The following CORO2B variants were observed in gnomAD, a reference collection of about 807,000 sequenced individuals.
The protein encoded by CORO2B is coronin-2B.
A neutral mutation model predicts 58.8 loss-of-function variants in CORO2B; 26 were observed. The ratio of observed to expected loss-of-function variants is 0.44; its 90% confidence interval spans 0.32 to 0.61. The LOEUF (loss-of-function observed/expected upper bound fraction) is 0.61. CORO2B is among the 20% of genes least tolerant of loss of function. The pLI, the probability that CORO2B is intolerant of heterozygous loss-of-function variation, is 0.04. For missense variants in CORO2B, 460 were observed against 645.1 expected (o/e 0.71, Z 3.11); for synonymous variants, 242 against 253.8 (o/e 0.95, Z 0.44).
At chr15:68,571,634 T>C in the CORO2B span, among the ~76,000 whole-genome samples, 1 of 152,214 alleles carries the variant, frequency 6.6e-6, no homozygotes, top group Non-Finnish European at 1.5e-5. Context: ...TTTAATTACA[T>C]TTTAAAATCA....
At position 68,579,003 on chromosome 15, in the gene CORO2B, C is replaced by G; in HGVS notation, c.-260C>G. The G allele has an allele frequency of 1.0e-6, 1 of 984,440 alleles. No individual in the cohort carries two copies. The highest frequency in any genetic ancestry group is 1.2e-6 in the Non-Finnish European group (1 of 829,342). The allele number at this position is 984,440 out of a possible 1,614,324, so 61.0% of individuals were successfully genotyped here. On this transcript the variant is annotated 5_prime_UTR_variant, in exon 1 of 12. Transcript: ENST00000261861. ...TCCCTCTCTCCCTTTCTTCCTGCCT[C>G]GCCTTCCTGCGGCGAAGGAGGCTCA...
chr15:68,567,940 A>G, the CORO2B span, among the ~76,000 whole-genome samples: 177 of 152,178 alleles, frequency 1.2e-3, 1 homozygote, highest in African/African-American at 4.1e-3. Flanking sequence ...TATTGCTTGA[A>G]CCCAGGAGGC....
At chr15:68,626,052 T>A (rs1404529093) in intron 1 of CORO2B, among the ~76,000 whole-genome samples, 1 of 152,254 alleles carries the variant, frequency 6.6e-6, no homozygotes, top group African/African-American at 2.4e-5. Context: ...CATCCAGAAA[T>A]GCTGTCTAGC....
the CORO2B span, among the ~76,000 whole-genome samples, chr15:68,565,915 G>T: frequency 6.6e-6 from 1 of 152,250 alleles, no homozygotes; most frequent in Non-Finnish European, 1.5e-5. Context: ...CCCACAGCCA[G>T]CAGGGAAGCA....
intron 1 of CORO2B, among the ~76,000 whole-genome samples, chr15:68,609,738 T>C (rs1489200637): frequency 6.6e-6 from 1 of 152,196 alleles, no homozygotes; most frequent in Non-Finnish European, 1.5e-5. Flanking sequence ...AAGCTACTGA[T>C]GGAAGGCCGT....
chr15:68,631,815 A>G (rs1375425805), intron 1 of CORO2B, among the ~76,000 whole-genome samples: 2 of 152,184 alleles, frequency 1.3e-5, no homozygotes, highest in African/African-American at 4.8e-5. Flanking sequence ...CAGTAGCTAC[A>G]CCAGAGAAGG....
the CORO2B span, among the ~76,000 whole-genome samples, chr15:68,571,214 C>T: frequency 6.6e-6 from 1 of 152,186 alleles, no homozygotes; most frequent in South Asian, 2.1e-4. Flanking sequence ...CTGCCCCAGC[C>T]ACCTGTTCTG....
At chr15:68,664,871 T>A (rs1902139871) in intron 2 of CORO2B, among the ~76,000 whole-genome samples, 1 of 152,212 alleles carries the variant, frequency 6.6e-6, no homozygotes. Context: ...GGTCTTTGAT[T>A]AATTTCTTAT....
chr15:68,714,414 T>G, intron 6 of CORO2B, 145 bp from the exon 7 acceptor site: 1 of 672,810 alleles, frequency 1.5e-6, no homozygotes, highest in Non-Finnish European at 2.6e-6. Flanking sequence ...AAGTCAGTCT[T>G]GCCACCACCC....
In CORO2B at chr15:68,719,105, G is replaced by GC. The variant is rs1445074823; in HGVS notation, c.1081-33dup. 4 of 1,503,376 alleles carry GC rather than the reference G, an allele frequency of 2.7e-6. No homozygotes were observed. In the South Asian group the frequency reaches 3.4e-5, roughly 13 times the overall value. 93.1% of individuals were successfully genotyped at this position (1,503,376 alleles called of 1,614,324 possible). On this transcript the variant is annotated intron_variant, in intron 9 of 11. Coordinates refer to ENST00000261861, the MANE Select transcript of CORO2B (RefSeq NM_006091.5). ...CTGAAGAGTAGGGGCTTTCCCAGCAGCCCCCCATGTGTCCTCTCTTCTGCT... is the reference window on the plus strand; with the variant it reads ...CTGAAGAGTAGGGGCTTTCCCAGCAGCCCCCCCATGTGTCCTCTCTTCTGCT...
At chr15:68,582,959 A>G (rs1469095691) in intron 1 of CORO2B, among the ~76,000 whole-genome samples, 1 of 152,178 alleles carries the variant, frequency 6.6e-6, no homozygotes, top group Non-Finnish European at 1.5e-5. Flanking sequence ...TGCCTGCTGC[A>G]CCTTAGAAGG....
intron 1 of CORO2B, among the ~76,000 whole-genome samples, chr15:68,592,260 A>G (rs1247922394): frequency 6.6e-6 from 1 of 152,174 alleles, no homozygotes; most frequent in Non-Finnish European, 1.5e-5. Flanking sequence ...TCATTGTCAT[A>G]CATGTGGTGT....
intron 2 of CORO2B, among the ~76,000 whole-genome samples, chr15:68,665,271 G>T (rs1421555904): frequency 3.3e-5 from 5 of 152,030 alleles, no homozygotes; most frequent in Admixed American, 3.3e-4. Context: ...TTCAGGCTTT[G>T]CTGCATTCTA....
At chr15:68,723,359 T>C (rs967182499) in intron 11 of CORO2B, among the ~76,000 whole-genome samples, 2 of 151,128 alleles carry the variant, frequency 1.3e-5, no homozygotes, top group African/African-American at 4.9e-5. Context: ...TGACCTCAGG[T>C]GATCCACCTG....
In CORO2B at chr15:68,660,635, T is replaced by C. The variant is rs1035747680; in HGVS notation, c.216+15275T>C. Among the ~76,000 whole-genome samples the C allele has an allele frequency of 8.5e-5, 13 of 152,292 alleles. No homozygotes were observed. The East Asian group carries it at 2.3e-3, about 27-fold the overall frequency. On this transcript the variant is annotated intron_variant, in intron 2 of 11. Transcript: ENST00000261861. ...ATCCACCCATCTTGGCTTCCCAAAG[T>C]GTTGGGATTACAGGTATGAGCCACT...
chr15:68,574,754 A>C (rs920034405), upstream of CORO2B, among the ~76,000 whole-genome samples: 5 of 152,250 alleles, frequency 3.3e-5, no homozygotes, highest in South Asian at 6.2e-4. Flanking sequence ...AATATATTTC[A>C]TTATGATTAT....
intron 2 of CORO2B, among the ~76,000 whole-genome samples, chr15:68,684,922 C>T (rs1217874414): frequency 6.6e-6 from 1 of 152,112 alleles, no homozygotes; most frequent in African/African-American, 2.4e-5. Flanking sequence ...ATATCAACTT[C>T]CAGTCATAGA....
chr15:68,702,444 C>T (rs539396332), intron 3 of CORO2B, among the ~76,000 whole-genome samples: 1 of 152,158 alleles, frequency 6.6e-6, no homozygotes, highest in Non-Finnish European at 1.5e-5. Context: ...CCCCTCCTAC[C>T]TCCCTGGGTT....
At chr15:68,668,225 A>G (rs552361616) in intron 2 of CORO2B, among the ~76,000 whole-genome samples, 1 of 152,358 alleles carries the variant, frequency 6.6e-6, no homozygotes, top group Admixed American at 6.5e-5. Context: ...GGCCTAGGTC[A>G]TCTGCCCCAC....
Sources: gnomAD v4.1 joint callset for allele counts (sites outside exome capture counted in the v4.1 genomes callset) on GRCh38, gnomAD v4.1.1 for gene constraint, MANE v1.5 for transcripts, NCBI Gene and HGNC (gene_info 2026-07-23, HGNC 2026-07-21) for gene names.